SLC14A2: variants seen among roughly 807,000 people sequenced by gnomAD.
The protein encoded by SLC14A2 is urea transporter 2.
Under a neutral mutation model 104.6 loss-of-function variants are expected in SLC14A2, and 91 were observed. That is an observed-to-expected ratio of 0.87 (90% CI 0.73 to 1.04). SLC14A2 has a LOEUF of 1.04. Ranked by LOEUF, SLC14A2 falls within the 50% of genes least tolerant of loss-of-function variation. SLC14A2 has a pLI of 0.00. For synonymous variants in SLC14A2, 476 were observed against 466.4 expected (o/e 1.02, Z -0.27); for missense variants, 1,189 against 1,156.0 (o/e 1.03, Z -0.41).
intron 1 of SLC14A2, among the ~76,000 whole-genome samples, chr18:45,289,493 C>T (rs1312977739): frequency 6.6e-6 from 1 of 152,160 alleles, no homozygotes; most frequent in Non-Finnish European, 1.5e-5. Flanking sequence ...TTTTTAAAAG[C>T]TCACAAAGCT....
At position 45,276,640 on chromosome 18, in the gene SLC14A2, A is replaced by G. The variant is rs55876827; in HGVS notation, c.-125+63449A>G. 5.4e-3 allele frequency among the ~76,000 whole-genome samples: 817 copies of G among 152,348 alleles called. 7 individuals carry two copies. The highest frequency in any genetic ancestry group is 0.018 in the African/African-American group (761 of 41,578). On this transcript the variant is annotated intron_variant, in intron 1 of 20. Coordinates refer to the SLC14A2 transcript ENST00000586448. ...AATTTATTAGACATTACCTATGTTA[A>G]CATTGAGTTAGAATACAATTTGGAA...
chr18:45,168,081 G>A, the SLC14A2 span, among the ~76,000 whole-genome samples: 1 of 152,142 alleles, frequency 6.6e-6, no homozygotes, highest in Non-Finnish European at 1.5e-5. Flanking sequence ...CATCCGTCTT[G>A]ATGTTGCCCT....
At chr18:45,357,674 C>T (rs747654095) in intron 1 of SLC14A2, among the ~76,000 whole-genome samples, 5 of 152,138 alleles carry the variant, frequency 3.3e-5, no homozygotes, top group Non-Finnish European at 5.9e-5. Flanking sequence ...CCCTCTGCAG[C>T]TTCAGGCAGA....
At chr18:45,379,143 C>T (rs574656682) in intron 1 of SLC14A2, among the ~76,000 whole-genome samples, 22 of 152,194 alleles carry the variant, frequency 1.4e-4, no homozygotes, top group Non-Finnish European at 2.9e-4. Flanking sequence ...GCAAGTGTCA[C>T]GGAATACAAT....
intron 1 of SLC14A2, among the ~76,000 whole-genome samples, chr18:45,388,474 G>C (rs1008330314): frequency 6.6e-6 from 1 of 151,982 alleles, no homozygotes; most frequent in Non-Finnish European, 1.5e-5. Context: ...TAAAAGACAG[G>C]GCATAGGCTG....
At chr18:45,342,297 G>A (rs115415974) in intron 1 of SLC14A2, among the ~76,000 whole-genome samples, 11 of 152,306 alleles carry the variant, frequency 7.2e-5, no homozygotes, top group Non-Finnish European at 1.3e-4. Context: ...CAGATGAGAC[G>A]TTGCTGGATA....
At chr18:45,426,846 TGTGA>T (rs2086440466) in intron 1 of SLC14A2, among the ~76,000 whole-genome samples, 2 of 152,048 alleles carry the variant, frequency 1.3e-5, no homozygotes, top group Non-Finnish European at 2.9e-5. Flanking sequence ...GCATTGGTCA[TGTGA>T]GTGTGTGTTA....
At chr18:45,585,437 A>G (rs892788752) in intron 2 of SLC14A2, among the ~76,000 whole-genome samples, 7 of 152,234 alleles carry the variant, frequency 4.6e-5, no homozygotes, top group Non-Finnish European at 8.8e-5. Context: ...ACAGCACACA[A>G]TAGGTCCTCA....
intron 2 of SLC14A2, among the ~76,000 whole-genome samples, chr18:45,485,515 G>T (rs752189006): frequency 5.9e-5 from 9 of 152,160 alleles, no homozygotes; most frequent in Non-Finnish European, 1.2e-4. Flanking sequence ...AATGTAGAGG[G>T]TTCTTGGAAA....
chr18:45,231,983 T>C (rs2084179272), intron 1 of SLC14A2, among the ~76,000 whole-genome samples: 1 of 152,182 alleles, frequency 6.6e-6, no homozygotes, highest in Admixed American at 6.5e-5. Flanking sequence ...GACTTTCATA[T>C]GATGCCTTGA....
chr18:45,610,994 A>T (rs2044962575), upstream of SLC14A2, among the ~76,000 whole-genome samples: 1 of 152,192 alleles, frequency 6.6e-6, no homozygotes, highest in Non-Finnish European at 1.5e-5. Flanking sequence ...TTTTGCCAGG[A>T]TGAGAAACAC....
At chr18:45,171,347 T>G in the SLC14A2 span, among the ~76,000 whole-genome samples, 78 of 152,094 alleles carry the variant, frequency 5.1e-4, no homozygotes, top group Non-Finnish European at 7.4e-5. Flanking sequence ...ATGAGATCTT[T>G]AGAGGAAAAA....
At chr18:45,582,359 GA>G (rs1280920062) in intron 2 of SLC14A2, among the ~76,000 whole-genome samples, 3 of 152,118 alleles carry the variant, frequency 2.0e-5, no homozygotes, top group Non-Finnish European at 2.9e-5. Context: ...TTCTAGGTTA[GA>G]AATTTTGCAC....
At chr18:45,468,897 C>A (rs1022907826) in intron 1 of SLC14A2, among the ~76,000 whole-genome samples, 2 of 152,184 alleles carry the variant, frequency 1.3e-5, no homozygotes, top group African/African-American at 4.8e-5. Context: ...AAGACATAAT[C>A]CCTGAGGTGT....
intron 1 of SLC14A2, among the ~76,000 whole-genome samples, chr18:45,442,276 C>T (rs143310141): frequency 1.9e-4 from 29 of 152,304 alleles, no homozygotes; most frequent in African/African-American, 7.0e-4. Flanking sequence ...TCACAAAGTG[C>T]CGCAAACTGG....
At chr18:45,646,518 T>C (rs1001379983) in intron 10 of SLC14A2, 9 of 152,232 alleles carry the variant, frequency 5.9e-5, no homozygotes, top group African/African-American at 2.2e-4. Context: ...TTTGAGGCTG[T>C]CCACCCAAAG....
chr18:45,530,295 G>A (rs1009933304), intron 2 of SLC14A2, among the ~76,000 whole-genome samples: 10 of 152,162 alleles, frequency 6.6e-5, no homozygotes, highest in Admixed American at 1.3e-4. Flanking sequence ...TCTCCTGACA[G>A]AGATTATTTC....
chr18:45,210,632 C>T (rs1243774784), upstream of SLC14A2, among the ~76,000 whole-genome samples: 1 of 152,202 alleles, frequency 6.6e-6, no homozygotes, highest in East Asian at 1.9e-4. Context: ...GGCACTGCCA[C>T]AGGCATTTTG....
chr18:45,193,403 G>A, the SLC14A2 span, among the ~76,000 whole-genome samples: 1 of 152,128 alleles, frequency 6.6e-6, no homozygotes, highest in East Asian at 1.9e-4. Context: ...TGCATATAGG[G>A]CAAATAATCA....
Sources: allele counts gnomAD v4.1 joint callset (sites outside exome capture counted in the v4.1 genomes callset), GRCh38; gene constraint gnomAD v4.1.1; transcripts MANE v1.5; gene names NCBI Gene and HGNC (gene_info 2026-07-23, HGNC 2026-07-21).